PPEF2: variants seen among roughly 807,000 people sequenced by gnomAD.
The protein encoded by PPEF2 is protein phosphatase with EF-hand domain 2, also known as serine/threonine-protein phosphatase with EF-hands 2.
PPEF2 carries 84 observed loss-of-function variants against 84.7 expected under a neutral mutation model. That is an observed-to-expected ratio of 0.99 (90% CI 0.83 to 1.19). The LOEUF is 1.19. PPEF2 is among the 50% of genes most tolerant of loss of function. PPEF2 has a pLI of 0.00. For missense variants in PPEF2, 924 were observed against 937.5 expected, an observed-to-expected ratio of 0.99 and a Z score of 0.19; for synonymous variants, 346 against 345.2, an observed-to-expected ratio of 1.00 and a Z score of -0.03.
In PPEF2 at chr4:75,864,433, C is replaced by T. The variant is rs780708080; in HGVS notation, c.2008+7G>A. ...TTCAAAAGTGATAGAATAATGAGTG[C>T]CTTTACCTGAATGATCACTGTCTAT... On this transcript the variant is annotated splice_region_variant and intron_variant, in intron 16 of 16. Transcript: ENST00000286719. 6.3e-7 allele frequency: 1 copy of T among 1,580,844 alleles called. No homozygotes were observed. Among genetic ancestry groups the T allele is most frequent in the Non-Finnish European group, 8.7e-7 (1 of 1,150,036 alleles).
intron 10 of PPEF2, among the ~76,000 whole-genome samples, chr4:75,878,815 T>C (rs183659421): frequency 3.8e-4 from 58 of 152,328 alleles, no homozygotes; most frequent in Non-Finnish European, 1.0e-4. Flanking sequence ...AGTCTCGCTC[T>C]GTCACCAGGC....
chr4:75,897,001 T>C (rs1725025955), intron 1 of PPEF2, among the ~76,000 whole-genome samples: 1 of 151,978 alleles, frequency 6.6e-6, no homozygotes, highest in Admixed American at 6.6e-5. Context: ...TCTCACCCCC[T>C]CAGCCTCCCG....
chr4:75,871,927 C>A (rs142351049), intron 13 of PPEF2, 98 bp downstream of exon 13: 2 of 1,318,292 alleles, frequency 1.5e-6, no homozygotes, highest in Non-Finnish European at 2.1e-6. Context: ...TGAATTCTCA[C>A]GTAGAATTTG....
At chr4:75,894,060 G>C (rs928463816) in intron 2 of PPEF2, among the ~76,000 whole-genome samples, 1 of 152,132 alleles carries the variant, frequency 6.6e-6, no homozygotes, top group African/African-American at 2.4e-5. Context: ...TAGGGTACAA[G>C]TTACAAATAC....
Position 75,883,019 on chromosome 4 carries a change from C to T in PPEF2, c.840G>A (p.Leu280=). 27 of 1,614,166 alleles carry T rather than the reference C, an allele frequency of 1.7e-5. No homozygotes were observed. Among genetic ancestry groups the T allele is most frequent in the Non-Finnish European group, 2.3e-5 (27 of 1,180,020 alleles). Residue 280 remains leucine, a synonymous_variant, in exon 10 of 17, where the codon CTG becomes CTA. Transcript: ENST00000286719. ...GAACTTTCTCATCTATCAGAGTGGC[C>T]AGTGGAAGCCAACAGAAAACATCTT... ...TLQDVFCWLP[L]ATLIDEKVLI...
At chr4:75,888,846 T>C (rs537845851) in intron 5 of PPEF2, among the ~76,000 whole-genome samples, 8 of 152,352 alleles carry the variant, frequency 5.3e-5, no homozygotes, top group African/African-American at 1.9e-4. Context: ...CAGTAGTCTC[T>C]TGACTGGTCA....
In PPEF2 at chr4:75,861,614, GT is replaced by G. The variant is rs71210216; in HGVS notation, c.2009-695del. ...CTTTGTGATCTTAGGTTATGCAACA[GT>G]TTTTTTTTTTTTGAGAGGGAGTCTC... On this transcript the variant is annotated intron_variant, in intron 16 of 16. Coordinates refer to ENST00000286719, the MANE Select transcript of PPEF2 (RefSeq NM_006239.3). 8.5e-4 allele frequency among the ~76,000 whole-genome samples: 73 copies of G among 86,172 alleles called. 6 individuals carry two copies. The highest frequency in any genetic ancestry group is 2.3e-3 in the African/African-American group (68 of 29,972). The allele number at this position is 86,172 out of a possible 152,430, so 56.5% of individuals were successfully genotyped here.
chr4:75,891,313 G>A (rs944928832), intron 4 of PPEF2, among the ~76,000 whole-genome samples: 4 of 152,166 alleles, frequency 2.6e-5, no homozygotes, highest in African/African-American at 4.8e-5. Flanking sequence ...CCTGCAGGGG[G>A]TATAATTCTG....
At chr4:75,900,714 C>CA (rs1444461142) in intron 1 of PPEF2, among the ~76,000 whole-genome samples, 2 of 152,162 alleles carry the variant, frequency 1.3e-5, no homozygotes, top group Non-Finnish European at 2.9e-5. Flanking sequence ...ATGACATCCT[C>CA]AAAAATCTCT....
chr4:75,886,347 C>T (rs935838184), intron 7 of PPEF2, among the ~76,000 whole-genome samples: 2 of 152,134 alleles, frequency 1.3e-5, no homozygotes, highest in South Asian at 2.1e-4. Context: ...GAGGCCGGTG[C>T]GGAGAGTCCC....
Position 75,866,189 on chromosome 4 carries a change from C to T in PPEF2, c.1920G>A (p.Glu640=). The T allele has an allele frequency of 6.2e-7, 1 of 1,609,744 alleles. No individual in the cohort carries two copies. Among genetic ancestry groups the T allele is most frequent in the Non-Finnish European group, 8.5e-7 (1 of 1,177,470 alleles). ...TCATCCACCATTACCACACCGTTAC[C>T]TCGCGACTCAGTTGTTCCTTGGCCA... ...KNLAKEQLSR[E]NIQSSLLETL... The change falls in exon 15 of 17, where the codon GAG becomes GAA. Residue 640 remains glutamate, a splice_region_variant and synonymous_variant. Transcript: ENST00000286719.
At chr4:75,898,494 C>T (rs1725056287) in intron 1 of PPEF2, among the ~76,000 whole-genome samples, 1 of 152,220 alleles carries the variant, frequency 6.6e-6, no homozygotes, top group Admixed American at 6.5e-5. Flanking sequence ...CTTAAAGAAG[C>T]CAGCTTGACC....
rs751653876 is a variant in PPEF2 at position 75,860,675 on chromosome 4, C to T, written c.2254G>A (p.Ala752Thr). The T allele has an allele frequency of 4.3e-6, 7 of 1,613,894 alleles. No homozygotes were observed. The South Asian group carries it at 5.5e-5, about 13-fold the overall frequency. ...AKDSGCSSPG[A>T]H The stretch of plus-strand genomic sequence containing the variant: ...TGAAGACCAGGCTGTTCTTAGTGTG[C>T]ACCTGGACTGCTGCAGCCACTGTCT... Residue 752 changes from alanine to threonine, a missense_variant, in exon 17 of 17, where the codon GCA becomes ACA. Ala to Thr is a moderately conservative substitution (Grantham distance 58). Transcript: ENST00000286719.
chr4:75,880,074 C>T (rs1359149751), intron 10 of PPEF2, among the ~76,000 whole-genome samples: 6 of 152,070 alleles, frequency 3.9e-5, no homozygotes, highest in South Asian at 2.1e-4. Flanking sequence ...GTGATCCGCC[C>T]GCCTCGGCCT....
intron 7 of PPEF2, among the ~76,000 whole-genome samples, chr4:75,886,334 C>T (rs1014438534): frequency 2.0e-5 from 3 of 152,286 alleles, no homozygotes; most frequent in African/African-American, 7.2e-5. Context: ...CGCGCAGGTA[C>T]CCGAGGCCGG....
intron 1 of PPEF2, among the ~76,000 whole-genome samples, chr4:75,898,931 T>C (rs1725064784): frequency 6.6e-6 from 1 of 152,338 alleles, no homozygotes. Context: ...GTCATGGTAC[T>C]GTACAATGGA....
intron 16 of PPEF2, among the ~76,000 whole-genome samples, chr4:75,863,693 C>T (rs1236336558): frequency 6.6e-6 from 1 of 151,826 alleles, no homozygotes; most frequent in Non-Finnish European, 1.5e-5. Context: ...TGAGGATGTA[C>T]AGGACCTCAC....
At chr4:75,889,616 C>T (rs556375524) in intron 5 of PPEF2, among the ~76,000 whole-genome samples, 8 of 152,294 alleles carry the variant, frequency 5.3e-5, no homozygotes, top group Admixed American at 6.5e-5. Flanking sequence ...TCTGCCTCCC[C>T]GATGGAATGC....
intron 11 of PPEF2, among the ~76,000 whole-genome samples, chr4:75,874,963 AC>A (rs1336640378): frequency 4.8e-5 from 7 of 147,116 alleles, no homozygotes; most frequent in African/African-American, 1.8e-4. Context: ...GTGCAGTGGC[AC>A]GATCTCGGCT....
Sources: allele counts gnomAD v4.1 joint callset (sites outside exome capture counted in the v4.1 genomes callset), GRCh38; gene constraint gnomAD v4.1.1; transcripts MANE v1.5; gene names NCBI Gene and HGNC (gene_info 2026-07-23, HGNC 2026-07-21).